The following LRP1B variants were observed in gnomAD, a reference collection of about 807,000 sequenced individuals.
LRP1B encodes the protein low-density lipoprotein receptor-related protein 1B.
A neutral mutation model predicts 556.6 loss-of-function variants in LRP1B; 217 were observed. The ratio of observed to expected loss-of-function variants is 0.39; its 90% CI spans 0.35 to 0.44. The LOEUF is 0.44. LRP1B is among the 20% of genes least tolerant of loss of function. The pLI, the probability that LRP1B is intolerant of heterozygous loss-of-function variation, is 1.00. For synonymous variants in LRP1B, 2,047 were observed against 1,865.8 expected (o/e 1.10, Z -2.50); for missense variants, 5,053 against 5,620.8 (o/e 0.90, Z 3.23).
At chr2:140,768,928 A>G (rs1201567312) in intron 35 of LRP1B, among the ~76,000 whole-genome samples, 1 of 151,928 alleles carries the variant, frequency 6.6e-6, no homozygotes, top group Non-Finnish European at 1.5e-5. Flanking sequence ...GTAAAGTATC[A>G]AAATAAAAAA....
chr2:142,051,721 C>A (rs1172564914), intron 1 of LRP1B, among the ~76,000 whole-genome samples: 3 of 152,126 alleles, frequency 2.0e-5, no homozygotes, highest in African/African-American at 7.2e-5. Flanking sequence ...GTGATCCATC[C>A]CCCTCGGCCT....
At position 141,339,042 on chromosome 2, in the gene LRP1B, T is replaced by G. The variant is rs149068394; in HGVS notation, c.344-84401A>C. On this transcript the variant is annotated intron_variant, in intron 3 of 90. Transcript: ENST00000389484. Reference sequence around the variant, plus strand: ...TCGGTGAGAATGTGTTTCTCCTCCCTACTTCACTTGGCCAACTTCCTTTTA... The same window carrying G: ...TCGGTGAGAATGTGTTTCTCCTCCCGACTTCACTTGGCCAACTTCCTTTTA... 2.7e-3 allele frequency among the ~76,000 whole-genome samples: 412 copies of G among 152,194 alleles called. 5 individuals are homozygous for G. The highest frequency in any genetic ancestry group is 9.1e-3 in the African/African-American group (377 of 41,536).
chr2:141,933,526 C>A (rs1700558565), intron 1 of LRP1B, among the ~76,000 whole-genome samples: 1 of 152,036 alleles, frequency 6.6e-6, no homozygotes, highest in South Asian at 2.1e-4. Flanking sequence ...CATGACAACA[C>A]CAAAGAGCTA....
At chr2:140,352,187 T>G (rs1481527433) in intron 76 of LRP1B, among the ~76,000 whole-genome samples, 3 of 152,124 alleles carry the variant, frequency 2.0e-5, no homozygotes, top group Non-Finnish European at 4.4e-5. Flanking sequence ...TTTGTTTTTC[T>G]TTTTTTGAGA....
intron 1 of LRP1B, among the ~76,000 whole-genome samples, chr2:141,896,901 G>T (rs1699469527): frequency 1.3e-5 from 2 of 152,116 alleles, no homozygotes; most frequent in African/African-American, 2.4e-5. Context: ...TCCCAGTGAT[G>T]GACCCTGTCT....
At chr2:141,664,655 G>A (rs1023894937) in intron 2 of LRP1B, among the ~76,000 whole-genome samples, 3 of 152,082 alleles carry the variant, frequency 2.0e-5, no homozygotes, top group Admixed American at 6.5e-5. Context: ...CAAAGGAAGC[G>A]AAGGACTTCT....
At chr2:141,416,338 AAAT>A (rs1165788302) in intron 3 of LRP1B, among the ~76,000 whole-genome samples, 7 of 152,310 alleles carry the variant, frequency 4.6e-5, no homozygotes, top group South Asian at 2.1e-4. Flanking sequence ...AAAATGACAA[AAAT>A]AATAATATCT....
chr2:140,891,518 T>C (rs1693798510), intron 23 of LRP1B, among the ~76,000 whole-genome samples: 1 of 152,186 alleles, frequency 6.6e-6, no homozygotes, highest in Non-Finnish European at 1.5e-5. Context: ...GTATTTTATG[T>C]TCTTACATTT....
chr2:141,564,782 C>T (rs1042911656), intron 2 of LRP1B, among the ~76,000 whole-genome samples: 6 of 152,036 alleles, frequency 3.9e-5, no homozygotes, highest in African/African-American at 1.4e-4. Flanking sequence ...AAGTAGTACA[C>T]TCTAATGATT....
chr2:140,453,550 G>A (rs1686967285), intron 62 of LRP1B, among the ~76,000 whole-genome samples: 2 of 152,006 alleles, frequency 1.3e-5, no homozygotes, highest in South Asian at 4.1e-4. Context: ...CTAAATATGT[G>A]TCTACTAATA....
chr2:141,354,669 T>C (rs1688561867), intron 3 of LRP1B, among the ~76,000 whole-genome samples: 1 of 151,930 alleles, frequency 6.6e-6, no homozygotes, highest in Non-Finnish European at 1.5e-5. Context: ...GAAGTGGAAA[T>C]ACGTGTACCT....
intron 1 of LRP1B, among the ~76,000 whole-genome samples, chr2:142,113,715 T>A (rs986361181): frequency 1.3e-5 from 2 of 152,100 alleles, no homozygotes; most frequent in African/African-American, 4.8e-5. Flanking sequence ...CTTGTTTTTA[T>A]TCAAAGCAAT....
rs562894012 is a variant in LRP1B at position 140,687,974 on chromosome 2, C to T, written c.6799+12276G>A. On this transcript the variant is annotated intron_variant, in intron 41 of 90. Transcript: ENST00000389484. ...TCACAGTATATTGATTTCATCTGCT[C>T]ACTTCCTGCCATAAATCTCTCACAA... 2.0e-4 allele frequency among the ~76,000 whole-genome samples: 31 copies of T among 152,192 alleles called. 1 individual carries two copies. The South Asian group carries it at 6.2e-3, about 31-fold the overall frequency.
chr2:141,023,303 A>G (rs1304448679), intron 11 of LRP1B, among the ~76,000 whole-genome samples: 1 of 151,918 alleles, frequency 6.6e-6, no homozygotes, highest in Non-Finnish European at 1.5e-5. Context: ...TAGGATTAAT[A>G]ATGAAGTGCG....
intron 24 of LRP1B, 45 bp from the exon 25 acceptor site, chr2:140,884,066 T>A: frequency 6.4e-7 from 1 of 1,566,414 alleles, no homozygotes; most frequent in Admixed American, 1.7e-5. Flanking sequence ...TCAAGGATTG[T>A]GTTAAGCACA....
chr2:140,588,868 G>C (rs181058245), intron 43 of LRP1B, among the ~76,000 whole-genome samples: 6 of 151,914 alleles, frequency 3.9e-5, no homozygotes, highest in Admixed American at 1.3e-4. Flanking sequence ...GCTGAGGCAG[G>C]AGAATCTCTT....
chr2:141,271,086 T>G (rs2105368896), intron 3 of LRP1B, among the ~76,000 whole-genome samples: 1 of 152,058 alleles, frequency 6.6e-6, no homozygotes, highest in East Asian at 1.9e-4. Context: ...ATAGGAATTC[T>G]TGGTTTGAAA....
At chr2:140,336,273 A>G (rs1681090130) in intron 77 of LRP1B, among the ~76,000 whole-genome samples, 1 of 151,908 alleles carries the variant, frequency 6.6e-6, no homozygotes, top group South Asian at 2.1e-4. Flanking sequence ...TTTTGTATAT[A>G]TCAATTTTTA....
intron 31 of LRP1B, among the ~76,000 whole-genome samples, chr2:140,835,015 AGTAT>A (rs952559885): frequency 6.6e-6 from 1 of 152,220 alleles, no homozygotes; most frequent in Admixed American, 6.5e-5. Flanking sequence ...TCATACTATA[AGTAT>A]GTAAGTAACA....
Sources: gnomAD v4.1 joint callset for allele counts (sites outside exome capture counted in the v4.1 genomes callset) on GRCh38, gnomAD v4.1.1 for gene constraint, MANE v1.5 for transcripts, NCBI Gene and HGNC (gene_info 2026-07-23, HGNC 2026-07-21) for gene names.